The following FGF12 variants were observed in gnomAD, a reference collection of about 807,000 sequenced individuals.
FGF12 encodes the protein fibroblast growth factor 12.
FGF12 carries 14 observed loss-of-function variants against 23.6 expected under a neutral mutation model. That is an observed-to-expected ratio of 0.59 (90% confidence interval 0.39 to 0.93). FGF12 has a LOEUF of 0.93. Ranked by LOEUF, FGF12 falls within the 40% of genes least tolerant of loss-of-function variation. The pLI is 0.00. For synonymous variants in FGF12, 62 were observed against 77.3 expected (o/e 0.80, Z 1.04); for missense variants, 175 against 217.8 (o/e 0.80, Z 1.24).
intron 2 of FGF12, among the ~76,000 whole-genome samples, chr3:192,541,941 C>T (rs1247778991): frequency 6.6e-6 from 1 of 151,572 alleles, no homozygotes; most frequent in Non-Finnish European, 1.5e-5. Context: ...TCTCTTGCCA[C>T]TTTTAGGATC....
intron 3 of FGF12, among the ~76,000 whole-genome samples, chr3:192,359,994 C>T (rs1718647121): frequency 6.6e-6 from 1 of 151,060 alleles, no homozygotes; most frequent in African/African-American, 2.4e-5. Context: ...CAGTGTTTAC[C>T]TTAAGAGGTA....
At chr3:192,232,546 T>TA (rs1719078478) in intron 4 of FGF12, among the ~76,000 whole-genome samples, 1 of 151,980 alleles carries the variant, frequency 6.6e-6, no homozygotes, top group South Asian at 2.1e-4. Flanking sequence ...TTTATTTATT[T>TA]TTCTTTTCCA....
intron 2 of FGF12, among the ~76,000 whole-genome samples, chr3:192,715,940 A>G (rs899815084): frequency 3.3e-5 from 5 of 152,230 alleles, no homozygotes; most frequent in Admixed American, 3.3e-4. Flanking sequence ...TCTATACGTG[A>G]TATCACTGAC....
intron 4 of FGF12, among the ~76,000 whole-genome samples, chr3:192,225,828 T>C (rs1163364407): frequency 6.6e-6 from 1 of 152,128 alleles, no homozygotes; most frequent in East Asian, 1.9e-4. Flanking sequence ...CTTGAAAACA[T>C]GCTAAGTAAA....
intron 4 of FGF12, among the ~76,000 whole-genome samples, chr3:192,207,207 T>A (rs1430567122): frequency 6.6e-6 from 1 of 152,228 alleles, no homozygotes; most frequent in East Asian, 1.9e-4. Flanking sequence ...TAATGATATA[T>A]TATTTGTAGA....
At chr3:192,185,167 C>T (rs933064924) in intron 4 of FGF12, among the ~76,000 whole-genome samples, 2 of 152,184 alleles carry the variant, frequency 1.3e-5, no homozygotes, top group Non-Finnish European at 2.9e-5. Context: ...TGACTCCCGT[C>T]ATAGCTATTT....
chr3:192,414,867 C>A (rs901721008), intron 2 of FGF12, among the ~76,000 whole-genome samples: 2 of 152,012 alleles, frequency 1.3e-5, no homozygotes, highest in Non-Finnish European at 1.5e-5. Context: ...AACAAGTATC[C>A]CCAATTCTCT....
chr3:192,718,310 G>A (rs914796603), intron 2 of FGF12, among the ~76,000 whole-genome samples: 1 of 151,584 alleles, frequency 6.6e-6, no homozygotes, highest in Non-Finnish European at 1.5e-5. Context: ...TGAGGGTGAA[G>A]AAAAGACGTT....
intron 2 of FGF12, among the ~76,000 whole-genome samples, chr3:192,512,339 T>C (rs897546622): frequency 3.3e-5 from 5 of 152,136 alleles, no homozygotes; most frequent in Non-Finnish European, 4.4e-5. Context: ...GTCATACTAA[T>C]GGCACAGACC....
At chr3:192,181,147 G>A (rs2108633493) in intron 4 of FGF12, among the ~76,000 whole-genome samples, 1 of 152,264 alleles carries the variant, frequency 6.6e-6, no homozygotes, top group African/African-American at 2.4e-5. Flanking sequence ...ATTGAGAGCT[G>A]AATGGAGATG....
rs942880178 is a variant in FGF12, at chr3:192,458,274, A to G, written c.14-97736T>C. ...CTAGTAGAGCTGTGAGAAGAGGGCC[A>G]CCCTACTCCAGACCCCAGAATGGCA... On this transcript the variant is annotated intron_variant, in intron 2 of 5. Transcript: ENST00000445105. 8.5e-5 allele frequency among the ~76,000 whole-genome samples: 13 copies of G among 152,184 alleles called. No individual in the cohort carries two copies. In the East Asian group the frequency reaches 2.5e-3, roughly 30 times the overall value.
chr3:192,365,976 T>TAAAAAAAAAAAAA (rs5855421), intron 2 of FGF12, among the ~76,000 whole-genome samples: 1 of 130,784 alleles, frequency 7.6e-6, no homozygotes, highest in Non-Finnish European at 1.7e-5. Flanking sequence ...GCTTCAAAGG[T>TAAAAAAAAAAAAA]AAAAAAAAAA....
chr3:192,381,281 T>C (rs1235220009), intron 2 of FGF12, among the ~76,000 whole-genome samples: 2 of 152,128 alleles, frequency 1.3e-5, no homozygotes, highest in Non-Finnish European at 2.9e-5. Flanking sequence ...AACAACAAGG[T>C]ACAGGTAATC....
intron 3 of FGF12, among the ~76,000 whole-genome samples, chr3:192,351,762 G>A (rs911988610): frequency 1.3e-5 from 2 of 152,180 alleles, no homozygotes; most frequent in African/African-American, 4.8e-5. Flanking sequence ...GACTTGCGCA[G>A]CTGTAAACAA....
chr3:192,384,454 G>A (rs1719957047), intron 2 of FGF12, among the ~76,000 whole-genome samples: 2 of 152,156 alleles, frequency 1.3e-5, no homozygotes, highest in South Asian at 2.1e-4. Flanking sequence ...TTAGAACACA[G>A]GAGATTGGTC....
Position 192,360,530 on chromosome 3 carries a change from G to A in FGF12, c.22C>T (p.Leu8Phe). 6.2e-7 allele frequency: 1 copy of A among 1,612,544 alleles called. No individual in the cohort carries two copies. Among genetic ancestry groups the A allele is most frequent in the Non-Finnish European group, 8.5e-7 (1 of 1,178,662 alleles). The part of the protein sequence containing the change: MESKEPQ[L>F]KGIVTRLFSQ... ...AATAACCTTGTCACAATCCCTTTGAGCTGGGGTTCTGCAAAACAAAATAAT... is the reference window on the plus strand; with the variant it reads ...AATAACCTTGTCACAATCCCTTTGAACTGGGGTTCTGCAAAACAAAATAAT... Residue 8 changes from leucine (L) to phenylalanine (F), a missense_variant, in exon 3 of 6, where the codon CTC becomes TTC. Coordinates refer to ENST00000445105, the MANE Select transcript of FGF12 (RefSeq NM_004113.6). The surrounding 1 kb of genome is among the most constrained non-coding windows in gnomAD (Gnocchi z 4.3).
chr3:192,320,599 T>A (rs1230104541), intron 4 of FGF12, among the ~76,000 whole-genome samples: 2 of 152,150 alleles, frequency 1.3e-5, no homozygotes, highest in Admixed American at 1.3e-4. Context: ...ACTGAGATAG[T>A]ATCAAGTATC....
At chr3:192,324,740 C>G (rs1460861593) in intron 4 of FGF12, among the ~76,000 whole-genome samples, 1 of 152,202 alleles carries the variant, frequency 6.6e-6, no homozygotes, top group East Asian at 1.9e-4. Flanking sequence ...AATCTAGAAA[C>G]TTTGGAAATA....
chr3:192,155,534 G>C (rs1339525861), intron 5 of FGF12, among the ~76,000 whole-genome samples: 1 of 152,070 alleles, frequency 6.6e-6, no homozygotes, highest in Non-Finnish European at 1.5e-5. Context: ...TTTTGGGGGG[G>C]AGCTTAAGAA....
Sources: allele counts gnomAD v4.1 joint callset (sites outside exome capture counted in the v4.1 genomes callset), GRCh38; gene constraint gnomAD v4.1.1; non-coding constraint Gnocchi (gnomAD v3.1); transcripts MANE v1.5; gene names NCBI Gene and HGNC (gene_info 2026-07-23, HGNC 2026-07-21).